A3GALT2: variants seen among roughly 807,000 people sequenced by gnomAD.
The protein encoded by A3GALT2 is alpha-1,3-galactosyltransferase 2.
Under a neutral mutation model 16.6 loss-of-function variants are expected in A3GALT2, and 14 were observed. That is an observed-to-expected ratio of 0.84 (90% CI 0.56 to 1.32). The LOEUF (loss-of-function observed/expected upper bound fraction) is 1.32. Among genes scored for constraint, A3GALT2 ranks in the 40% most tolerant of loss-of-function variants. The probability of loss-of-function intolerance (pLI) is 0.00; values close to 1 mark genes in which losing one functional copy is unlikely to be tolerated. For missense variants in A3GALT2, 600 were observed against 490.9 expected, an observed-to-expected ratio of 1.22 and a Z score of -2.10; for synonymous variants, 253 against 218.0, an observed-to-expected ratio of 1.16 and a Z score of -1.42.
chr1:33,310,272 C>A (rs1415664916), intron 4 of A3GALT2, among the ~76,000 whole-genome samples: 1 of 151,822 alleles, frequency 6.6e-6, no homozygotes, highest in Non-Finnish European at 1.5e-5. Flanking sequence ...AGCCTCGGCT[C>A]GGCATCAGAG....
chr1:33,308,885 C>G (rs1482345298), intron 4 of A3GALT2, among the ~76,000 whole-genome samples: 1 of 149,800 alleles, frequency 6.7e-6, no homozygotes, highest in Non-Finnish European at 1.5e-5. Flanking sequence ...GAACAAGGGT[C>G]TCTGGTTTTC....
At chr1:33,317,920 G>A (rs986297004) in intron 1 of A3GALT2, among the ~76,000 whole-genome samples, 1 of 152,166 alleles carries the variant, frequency 6.6e-6, no homozygotes, top group Non-Finnish European at 1.5e-5. Flanking sequence ...ATTCTAGAGC[G>A]TTTTGGATTT....
In A3GALT2 at chr1:33,312,140, A is replaced by C. The variant is rs372802485; in HGVS notation, c.247T>G (p.Trp83Gly). ...ACATCTGGGTCGAAAGAGCCATCCC[A>C]AATAATGGGAGCCCCCCAGGGGGTA... ...TCTPWGAPII[W>G]DGSFDPDVAK... Residue 83 changes from tryptophan to glycine, a missense_variant, in exon 4 of 5, where the codon TGG becomes GGG. Transcript: ENST00000442999. 3.1e-6 allele frequency: 5 copies of C among 1,613,420 alleles called. No homozygotes were observed. The Admixed American group carries it at 8.3e-5, about 27-fold the overall frequency.
intron 4 of A3GALT2, among the ~76,000 whole-genome samples, chr1:33,309,976 G>A (rs1383566009): frequency 2.0e-5 from 3 of 152,240 alleles, no homozygotes; most frequent in African/African-American, 4.8e-5. Flanking sequence ...AGGTTGTAGC[G>A]AACTGAGATC....
Position 33,312,162 on chromosome 1 carries a change from G to C in A3GALT2, c.225C>G (p.Thr75=). The stretch of plus-strand genomic sequence containing the variant: ...CCCAAATAATGGGAGCCCCCCAGGG[G>C]GTACAGGTCAGAACTTCAGGCCGGG... ...PWARPEVLTC[T]PWGAPIIWDG... is the part of the protein sequence containing the mutation. The change falls in exon 4 of 5, where the codon ACC becomes ACG. Residue 75 remains threonine (T), a synonymous_variant. Coordinates refer to ENST00000442999, the MANE Select transcript of A3GALT2 (RefSeq NM_001080438.1). 6.2e-7 allele frequency: 1 copy of C among 1,613,520 alleles called. No homozygotes were observed. The highest frequency in any genetic ancestry group is 1.1e-5 in the South Asian group (1 of 91,036).
In A3GALT2 at chr1:33,312,294, C is replaced by T. The variant is rs555300032; in HGVS notation, c.198-105G>A. ...TGCTGAGCCCTAGGGACCCATAGAC[C>T]GATGAGACCTAGTTGCTGCCCCTGG... On this transcript the variant is annotated intron_variant, in intron 3 of 4. Transcript: ENST00000442999. 2.6e-5 allele frequency: 39 copies of T among 1,493,206 alleles called. No individual in the cohort carries two copies. In the South Asian group the frequency reaches 2.7e-4, roughly 10 times the overall value. 92.5% of individuals were successfully genotyped at this position (1,493,206 alleles called of 1,614,324 possible). A position where few individuals can be genotyped will look rare whatever the true frequency, so the allele number is the denominator to read the frequency against.
chr1:33,308,280 ATGAG>A (rs1646213438), intron 4 of A3GALT2, among the ~76,000 whole-genome samples: 1 of 151,518 alleles, frequency 6.6e-6, no homozygotes, highest in Non-Finnish European at 1.5e-5. Flanking sequence ...GGGTGCTGCC[ATGAG>A]TGAGGAAGCC....
intron 1 of A3GALT2, among the ~76,000 whole-genome samples, chr1:33,317,111 CA>C (rs932225759): frequency 5.9e-5 from 9 of 152,038 alleles, no homozygotes; most frequent in Non-Finnish European, 1.0e-4. Context: ...CGTTTTGGGT[CA>C]CAGGGAGAGG....
At chr1:33,318,201 A>C (rs896622336) in intron 1 of A3GALT2, among the ~76,000 whole-genome samples, 21 of 152,252 alleles carry the variant, frequency 1.4e-4, no homozygotes, top group Admixed American at 4.6e-4. Context: ...GTGGAAGTAT[A>C]GTGTGAGTCA....
At chr1:33,318,824 C>T (rs1321149947) in intron 1 of A3GALT2, among the ~76,000 whole-genome samples, 4 of 152,198 alleles carry the variant, frequency 2.6e-5, no homozygotes, top group African/African-American at 9.7e-5. Flanking sequence ...ACCTGCCAAG[C>T]GATGCTAGGG....
Position 33,307,390 on chromosome 1 carries a change from C to G in A3GALT2, c.399G>C (p.Gln133His), listed in dbSNP as rs766668953. ...ETAEQHFMAG[Q>H]SVMYYVFTEL... ...CGGTGAACACGTAGTACATCACGCTCTGGCCCGCCATGAAGTGCTGCTCCG... is the reference window on the plus strand; with the variant it reads ...CGGTGAACACGTAGTACATCACGCTGTGGCCCGCCATGAAGTGCTGCTCCG... The change falls in exon 5 of 5, where the codon CAG becomes CAC. Residue 133 changes from glutamine to histidine, a missense_variant. Coordinates refer to ENST00000442999, the MANE Select transcript of A3GALT2 (RefSeq NM_001080438.1). 3 of 1,565,482 alleles carry G rather than the reference C, an allele frequency of 1.9e-6. No individual in the cohort carries two copies. Among genetic ancestry groups the G allele is most frequent in the South Asian group, 2.3e-5 (2 of 88,722 alleles).
chr1:33,310,095 A>G (rs1020558678), intron 4 of A3GALT2, among the ~76,000 whole-genome samples: 1 of 152,248 alleles, frequency 6.6e-6, no homozygotes, highest in African/African-American at 2.4e-5. Context: ...CGCAGTCAGG[A>G]GCTGGAGACC....
intron 4 of A3GALT2, 45 bp from the exon 5 acceptor site, chr1:33,307,498 G>T: frequency 7.1e-7 from 1 of 1,405,354 alleles, no homozygotes; most frequent in Non-Finnish European, 9.2e-7. Context: ...AAGCGAGGCG[G>T]GCCCGGCCTC....
chr1:33,307,558 C>T, intron 4 of A3GALT2, 105 bp from the exon 5 acceptor site: 2 of 888,526 alleles, frequency 2.3e-6, no homozygotes, highest in Non-Finnish European at 3.0e-6. Context: ...CCCACTCCCA[C>T]CCCACCCTCA....
At chr1:33,316,114 A>C (rs1386856366) in intron 1 of A3GALT2, among the ~76,000 whole-genome samples, 1 of 152,196 alleles carries the variant, frequency 6.6e-6, no homozygotes, top group Admixed American at 6.5e-5. Flanking sequence ...GTTGACTTCT[A>C]AGGTAGGACC....
At chr1:33,313,174 A>AGTTTT (rs1646243826) in intron 1 of A3GALT2, 1 of 6,520 alleles carries the variant, frequency 1.5e-4, no homozygotes, top group Non-Finnish European at 2.8e-4. Context: ...TCAGTGACGG[A>AGTTTT]GTTTTTTTTT....
chr1:33,312,076 C>T lies in A3GALT2; in HGVS notation c.311G>A (p.Gly104Glu), dbSNP rs781243377. The change falls in exon 4 of 5, where the codon GGG becomes GAG. Residue 104 changes from glycine (G) to glutamate (E), a missense_variant. Coordinates refer to ENST00000442999, the MANE Select transcript of A3GALT2 (RefSeq NM_001080438.1). ...QEARQQNLTI[G>E]LTIFAVGRYL... Reference sequence around the variant, plus strand: ...CCTGCCTACAGCAAAGATAGTCAGCCCAATGGTGAGGTTCTGCTGTCTAGC... The same window carrying T: ...CCTGCCTACAGCAAAGATAGTCAGCTCAATGGTGAGGTTCTGCTGTCTAGC... The T allele has an allele frequency of 3.7e-6, 6 of 1,613,666 alleles. No individual in the cohort carries two copies. The Admixed American group carries it at 8.3e-5, about 22-fold the overall frequency.
At chr1:33,310,841 G>A (rs1431385500) in intron 4 of A3GALT2, among the ~76,000 whole-genome samples, 5 of 152,214 alleles carry the variant, frequency 3.3e-5, no homozygotes, top group East Asian at 3.8e-4. Flanking sequence ...GCCCTACTCC[G>A]CATGTGTGAT....
chr1:33,310,840 C>T lies in A3GALT2; in HGVS notation c.335+1212G>A, dbSNP rs4653016. Among the ~76,000 whole-genome samples, 4 of 152,142 alleles carry T rather than the reference C, an allele frequency of 2.6e-5. No homozygotes were observed. The East Asian group carries it at 5.8e-4, about 22-fold the overall frequency. ...GGGCTGGGGCAGGAACGCCCTACTC[C>T]GCATGTGTGATGGAAGTGGGAGCAC... On this transcript the variant is annotated intron_variant, in intron 4 of 4. Transcript: ENST00000442999.
Sources: gnomAD v4.1 joint callset for allele counts (sites outside exome capture counted in the v4.1 genomes callset) on GRCh38, gnomAD v4.1.1 for gene constraint, MANE v1.5 for transcripts, NCBI Gene and HGNC (gene_info 2026-07-23, HGNC 2026-07-21) for gene names.